Variants in SSBP4 observed in about 807,000 individuals in gnomAD.
SSBP4 encodes single-stranded DNA-binding protein 4.
SSBP4 carries 33 observed loss-of-function variants against 64.6 expected under a neutral mutation model. That is an observed-to-expected ratio of 0.51 (90% CI 0.39 to 0.68). SSBP4 has a LOEUF of 0.68. Ranked by LOEUF, SSBP4 falls within the 30% of genes least tolerant of loss-of-function variation. The pLI, the probability that SSBP4 is intolerant of heterozygous loss-of-function variation, is 0.00. For missense variants in SSBP4, 583 were observed against 566.8 expected (o/e 1.03, Z -0.29); for synonymous variants, 243 against 224.0 (o/e 1.08, Z -0.76).
In SSBP4 at chr19:18,433,043, T is replaced by C; in HGVS notation, c.912T>C (p.Asn304=). The C allele has an allele frequency of 6.2e-7, 1 of 1,613,926 alleles. No individual in the cohort carries two copies. Among genetic ancestry groups the C allele is most frequent in the Non-Finnish European group, 8.5e-7 (1 of 1,179,950 alleles). ...TCGGGCAGGGCGCCGGCAGGGCTAATGTGAGTGGGGGCTTGCAGGGGTGCT... is the reference window on the plus strand; with the variant it reads ...TCGGGCAGGGCGCCGGCAGGGCTAACGTGAGTGGGGGCTTGCAGGGGTGCT... ...NPIGQGAGRA[N]FPLGPGPEGP... Residue 304 remains asparagine (N), a splice_region_variant and synonymous_variant, in exon 14 of 18, where the codon AAT becomes AAC. Transcript: ENST00000270061.
At chr19:18,429,475 G>GC (rs1488730051) in intron 4 of SSBP4, among the ~76,000 whole-genome samples, 1 of 151,544 alleles carries the variant, frequency 6.6e-6, no homozygotes, top group Non-Finnish European at 1.5e-5. Context: ...GGGGGCGGGG[G>GC]GGGGGTGCGG....
At chr19:18,405,497 CA>C in the SSBP4 span, among the ~76,000 whole-genome samples, 72,609 of 124,152 alleles carry the variant, frequency 0.58, 20,830 homozygotes, top group African/African-American at 0.83. Context: ...TCTGTCTCTA[CA>C]AAAAAAAAAA....
chr19:18,410,053 G>A, the SSBP4 span, among the ~76,000 whole-genome samples: 2 of 152,314 alleles, frequency 1.3e-5, no homozygotes, highest in African/African-American at 4.8e-5. Context: ...GAGTGCAGTG[G>A]CACGATCTCG....
Position 18,427,443 on chromosome 19 carries a change from C to T in SSBP4, c.132+20C>T, listed in dbSNP as rs1455066063. The stretch of plus-strand genomic sequence containing the variant: ...TCTGAGGTAAGCCACCACCTCCAGG[C>T]TGGCCCTCCCTCCTCACCCACACTC... On this transcript the variant is annotated intron_variant, in intron 2 of 17. Transcript: ENST00000270061. The surrounding 1 kb of genome is among the most constrained non-coding windows in gnomAD (Gnocchi z 4.4). 1 of 1,606,720 alleles carries T rather than the reference C, an allele frequency of 6.2e-7. No homozygotes were observed.
rs771450995 is a variant in SSBP4, at chr19:18,434,262, G to A, written c.*16G>A. 6 of 1,610,444 alleles carry A rather than the reference G, an allele frequency of 3.7e-6. No individual in the cohort carries two copies. The highest frequency in any genetic ancestry group is 1.7e-5 in the Admixed American group (1 of 59,876). ...GAGCGTGTGATGGGGCGGCAGCCCC[G>A]GGCCTCTCTGCGGGCCTAGGCTTCT... On this transcript the variant is annotated 3_prime_UTR_variant, in exon 18 of 18. Coordinates refer to ENST00000270061, the MANE Select transcript of SSBP4 (RefSeq NM_032627.5).
chr19:18,428,055 G>GGGGGC, intron 4 of SSBP4, 73 bp downstream of exon 4: 5 of 1,400,448 alleles, frequency 3.6e-6, no homozygotes, highest in Admixed American at 3.6e-5. Context: ...GGGAGGTGGG[G>GGGGGC]TGGGGGGCTG....
Position 18,419,558 on chromosome 19 carries a change from C to G in SSBP4, c.-91C>G. The G allele has an allele frequency of 1.7e-6, 2 of 1,180,720 alleles. No homozygotes were observed. Among genetic ancestry groups the G allele is most frequent in the Non-Finnish European group, 2.1e-6 (2 of 951,956 alleles). 73.1% of individuals were successfully genotyped at this position (1,180,720 alleles called of 1,614,324 possible). ...CCGCCTGGGGCTCGGGGCGGTGAGG[C>G]CCGGGGCGCGGGGTAGCTATGGCGA... is the stretch of plus-strand genomic sequence containing the variant. On this transcript the variant is annotated 5_prime_UTR_variant, in exon 1 of 18. Transcript: ENST00000270061.
At position 18,432,222 on chromosome 19, in the gene SSBP4, C is replaced by T. The variant is rs1482879478; in HGVS notation, c.704+8C>T. On this transcript the variant is annotated splice_region_variant and intron_variant, in intron 10 of 17. Transcript: ENST00000270061. ...CCTGCCTGCCATGAACATGTAAGACCCTGGGGGATCCTAGGAGTGTGCAGT... is the reference window on the plus strand; with the variant it reads ...CCTGCCTGCCATGAACATGTAAGACTCTGGGGGATCCTAGGAGTGTGCAGT... The T allele has an allele frequency of 1.9e-6, 3 of 1,612,518 alleles. No homozygotes were observed. Among genetic ancestry groups the T allele is most frequent in the South Asian group, 1.1e-5 (1 of 91,074 alleles).
upstream of SSBP4, among the ~76,000 whole-genome samples, chr19:18,417,464 T>A (rs1052838369): frequency 1.3e-5 from 2 of 152,150 alleles, no homozygotes; most frequent in African/African-American, 4.8e-5. This position sits in a 1 kb window ranked among gnomAD's most constrained non-coding sequence, Gnocchi z 5.4. Flanking sequence ...GTGCCGGTTG[T>A]CACCAAGGCT....
intron 1 of SSBP4, among the ~76,000 whole-genome samples, chr19:18,420,884 C>G (rs1972414551): frequency 1.3e-5 from 2 of 151,868 alleles, no homozygotes; most frequent in Non-Finnish European, 2.9e-5. Flanking sequence ...AAAACAGTGC[C>G]CAGGAGGAGG....
At chr19:18,421,977 A>C (rs1450114336) in intron 1 of SSBP4, among the ~76,000 whole-genome samples, 1 of 152,124 alleles carries the variant, frequency 6.6e-6, no homozygotes, top group Non-Finnish European at 1.5e-5. Flanking sequence ...CCTGGCCAAC[A>C]TGATGAAACC....
intron 1 of SSBP4, among the ~76,000 whole-genome samples, chr19:18,422,452 G>C (rs1181555855): frequency 7.9e-5 from 12 of 152,190 alleles, no homozygotes; most frequent in Non-Finnish European, 1.5e-4. Flanking sequence ...TCACGGAGAG[G>C]GTCTCGTATA....
Position 18,427,245 on chromosome 19 carries a change from G to A in SSBP4, c.60-106G>A. 1.8e-6 allele frequency: 2 copies of A among 1,142,704 alleles called. No individual in the cohort carries two copies. Among genetic ancestry groups the A allele is most frequent in the Admixed American group, 2.0e-5 (1 of 49,110 alleles). The allele number at this position is 1,142,704 out of a possible 1,614,324, so 70.8% of individuals were successfully genotyped here. A position where few individuals can be genotyped will look rare whatever the true frequency, so the allele number is the denominator to read the frequency against. On this transcript the variant is annotated intron_variant, in intron 1 of 17. Coordinates refer to ENST00000270061, the MANE Select transcript of SSBP4 (RefSeq NM_032627.5). This position sits in a 1 kb window ranked among gnomAD's most constrained non-coding sequence, Gnocchi z 4.4. ...TATGAGCTGTCCCTGCTGAGCAGCT[G>A]GTGGGGAGGCCACCTTTCCACCCGC... is the stretch of plus-strand genomic sequence containing the variant.
Position 18,432,539 on chromosome 19 carries a change from T to C in SSBP4, c.705-20T>C. The C allele has an allele frequency of 1.3e-6, 2 of 1,556,756 alleles. No individual in the cohort carries two copies. The highest frequency in any genetic ancestry group is 1.7e-6 in the Non-Finnish European group (2 of 1,148,910). On this transcript the variant is annotated intron_variant, in intron 10 of 17. Transcript: ENST00000270061. ...CCACATGGACTAGCCCCAGAGTCTG[T>C]CATCCGCGGTCTCTTCCAGGGGCCC...
intron 4 of SSBP4, among the ~76,000 whole-genome samples, chr19:18,428,893 G>T (rs1973073437): frequency 6.6e-6 from 1 of 152,200 alleles, no homozygotes; most frequent in South Asian, 2.1e-4. Context: ...TAGATCTGGG[G>T]CCCCGGGGGT....
At chr19:18,433,545 G>C in intron 15 of SSBP4, 40 bp from the exon 16 acceptor site, 1 of 1,545,924 alleles carries the variant, frequency 6.5e-7, no homozygotes, top group Admixed American at 2.0e-5. Flanking sequence ...CATGGCGCCA[G>C]CACGTCTGAG....
chr19:18,431,453 A>T (rs1278083896), intron 6 of SSBP4, 35 bp downstream of exon 6: 1 of 1,210,520 alleles, frequency 8.3e-7, no homozygotes, highest in Non-Finnish European at 1.2e-6. Context: ...TCACACACAC[A>T]CATCCCCTCC....
intron 4 of SSBP4, 115 bp from the exon 5 acceptor site, chr19:18,430,726 A>G (rs992181404): frequency 2.7e-5 from 23 of 861,244 alleles, no homozygotes; most frequent in Admixed American, 6.0e-5. Flanking sequence ...CTCACTGACC[A>G]ATGCCAGCTC....
intron 10 of SSBP4, 136 bp from the exon 11 acceptor site, chr19:18,432,423 T>A: frequency 7.3e-7 from 1 of 1,373,410 alleles, no homozygotes. Flanking sequence ...CAGCTCATGG[T>A]GGCCACTTTT....
Sources: gnomAD v4.1 joint callset for allele counts (sites outside exome capture counted in the v4.1 genomes callset) on GRCh38, gnomAD v4.1.1 for gene constraint, Gnocchi (gnomAD v3.1) non-coding constraint, MANE v1.5 for transcripts, NCBI Gene and HGNC (gene_info 2026-07-23, HGNC 2026-07-21) for gene names.